The following MPHOSPH9 variants were observed in gnomAD, a reference collection of about 807,000 sequenced individuals.
MPHOSPH9 encodes M-phase phosphoprotein 9.
MPHOSPH9 carries 88 observed loss-of-function variants against 145.5 expected under a neutral mutation model. That is an observed-to-expected ratio of 0.60 (90% CI 0.51 to 0.72). The LOEUF is 0.72. Ranked by LOEUF, MPHOSPH9 falls within the 30% of genes least tolerant of loss-of-function variation. The pLI is 0.00. For synonymous variants in MPHOSPH9, 435 were observed against 486.2 expected (o/e 0.89, Z 1.39); for missense variants, 1,238 against 1,386.6 (o/e 0.89, Z 1.70).
At position 123,202,819 on chromosome 12, in the gene MPHOSPH9, T is replaced by C. The variant is rs141939407; in HGVS notation, c.1586A>G (p.Glu529Gly). ...DSWKNQTFQNESRTSSTFPSV... is the reference protein window; with the variant it reads ...DSWKNQTFQNGSRTSSTFPSV... Reference sequence around the variant, plus strand: ...CGGAAACGTGGAACTGGTCCTACTTTCGTTTTGGAATGTCTGATTTTTCCA... The same window carrying C: ...CGGAAACGTGGAACTGGTCCTACTTCCGTTTTGGAATGTCTGATTTTTCCA... The change falls in exon 10 of 24, where the codon GAA (glutamate) becomes GGA (glycine). Residue 529 changes from glutamate to glycine, a missense_variant. Transcript: ENST00000606320. The C allele has an allele frequency of 7.4e-6, 12 of 1,614,106 alleles. No individual in the cohort carries two copies. In the Admixed American group the frequency reaches 8.3e-5, roughly 11 times the overall value.
At chr12:123,176,204 G>A (rs1425953279) in intron 16 of MPHOSPH9, among the ~76,000 whole-genome samples, 1 of 151,804 alleles carries the variant, frequency 6.6e-6, no homozygotes, top group African/African-American at 2.4e-5. Context: ...ATTCTGTAAG[G>A]GTATCACCAA....
chr12:123,215,240 T>C (rs1336629593), intron 6 of MPHOSPH9, among the ~76,000 whole-genome samples: 2 of 150,714 alleles, frequency 1.3e-5, no homozygotes, highest in East Asian at 3.9e-4. Context: ...AGACTCTGTC[T>C]CAAAAAAAAA....
rs187964068 is a variant in MPHOSPH9, at chr12:123,209,411, T to C, written c.1194+645A>G. On this transcript the variant is annotated intron_variant, in intron 8 of 23. Coordinates refer to ENST00000606320, the MANE Select transcript of MPHOSPH9 (RefSeq NM_022782.4). ...ATTGTAAAACACAAACACACACAGT[T>C]TTTTTTTTCTTTGAGATGGAGTTGC... is the stretch of plus-strand genomic sequence containing the variant. Among the ~76,000 whole-genome samples, 244 of 151,692 alleles carry C rather than the reference T, an allele frequency of 1.6e-3. 2 individuals are homozygous for C. Among genetic ancestry groups the C allele is most frequent in the African/African-American group, 5.5e-3 (229 of 41,350 alleles).
chr12:123,208,028 G>C (rs2046518337), intron 8 of MPHOSPH9, among the ~76,000 whole-genome samples: 1 of 151,424 alleles, frequency 6.6e-6, no homozygotes, highest in Non-Finnish European at 1.5e-5. Flanking sequence ...CACCAGCCTG[G>C]CCAACATCAC....
chr12:123,168,045 G>A (rs986630947), intron 16 of MPHOSPH9, among the ~76,000 whole-genome samples: 4 of 152,106 alleles, frequency 2.6e-5, no homozygotes, highest in African/African-American at 9.7e-5. Context: ...CCGCCCTCAA[G>A]CTTCAGCAAC....
At chr12:123,165,936 C>T (rs2044299535) in intron 17 of MPHOSPH9, among the ~76,000 whole-genome samples, 1 of 152,202 alleles carries the variant, frequency 6.6e-6, no homozygotes, top group African/African-American at 2.4e-5. Context: ...CCACAATGAG[C>T]ATGCTTTGCA....
chr12:123,188,001 C>T (rs1398350439), intron 13 of MPHOSPH9, among the ~76,000 whole-genome samples: 1 of 152,060 alleles, frequency 6.6e-6, no homozygotes, highest in Non-Finnish European at 1.5e-5. Context: ...GTGGTGGGTG[C>T]CTGTAATCCC....
chr12:123,161,082 G>C, intron 22 of MPHOSPH9, 54 bp downstream of exon 22: 1 of 1,585,746 alleles, frequency 6.3e-7, no homozygotes, highest in Non-Finnish European at 8.6e-7. Flanking sequence ...CTTCTCCTTA[G>C]ACATAAGCAT....
chr12:123,171,263 G>A (rs1438038585), intron 16 of MPHOSPH9, among the ~76,000 whole-genome samples: 1 of 151,724 alleles, frequency 6.6e-6, no homozygotes, highest in Non-Finnish European at 1.5e-5. Flanking sequence ...AGACCAGCCT[G>A]GCCAACAAGG....
At position 123,204,236 on chromosome 12, in the gene MPHOSPH9, A is replaced by T. The variant is rs145936601; in HGVS notation, c.1195-861T>A. On this transcript the variant is annotated intron_variant, in intron 8 of 23. Transcript: ENST00000606320. ...AGAATCGCTTGAACCTGGAAGGCGG[A>T]GGTTGTGGTGAGCCGAGATTGCGCC... Among the ~76,000 whole-genome samples, 162 of 151,014 alleles carry T rather than the reference A, an allele frequency of 1.1e-3. 3 individuals are homozygous for T. The East Asian group carries it at 0.031, about 29-fold the overall frequency.
upstream of MPHOSPH9, among the ~76,000 whole-genome samples, chr12:123,236,625 G>GT (rs2047855044): frequency 6.6e-6 from 1 of 152,004 alleles, no homozygotes; most frequent in Non-Finnish European, 1.5e-5. Flanking sequence ...AACTGCTTTG[G>GT]TTTGTATATG....
intron 5 of MPHOSPH9, among the ~76,000 whole-genome samples, chr12:123,219,552 C>CA (rs778997410): frequency 0.048 from 2,353 of 49,032 alleles, 83 homozygotes; most frequent in African/African-American, 0.13. Flanking sequence ...GACTCTGTCT[C>CA]AAAAAAAAAA....
intron 1 of MPHOSPH9, among the ~76,000 whole-genome samples, chr12:123,242,075 A>T (rs1319868545): frequency 6.6e-6 from 1 of 152,178 alleles, no homozygotes; most frequent in African/African-American, 2.4e-5. Flanking sequence ...CCCATGCCTG[A>T]TACTCAATAG....
intron 7 of MPHOSPH9, among the ~76,000 whole-genome samples, chr12:123,212,744 ATCCCCAGCCT>A: frequency 7.3e-6 from 1 of 136,676 alleles, no homozygotes. Context: ...ACAGAGTACA[ATCCCCAGCCT>A]ACAATGGTCG....
At chr12:123,177,713 A>G (rs2044943532) in intron 15 of MPHOSPH9, among the ~76,000 whole-genome samples, 1 of 152,216 alleles carries the variant, frequency 6.6e-6, no homozygotes, top group Non-Finnish European at 1.5e-5. Context: ...ACATTTATAA[A>G]TAAACATAAA....
At chr12:123,206,907 C>T (rs939330392) in intron 8 of MPHOSPH9, among the ~76,000 whole-genome samples, 8 of 145,024 alleles carry the variant, frequency 5.5e-5, no homozygotes, top group Non-Finnish European at 1.1e-4. Context: ...AGCAAGACTC[C>T]GTCTCAAAAA....
intron 18 of MPHOSPH9, among the ~76,000 whole-genome samples, chr12:123,164,560 C>G (rs1043683785): frequency 1.3e-5 from 2 of 152,200 alleles, no homozygotes; most frequent in Non-Finnish European, 1.5e-5. Context: ...CTTGCCTTAT[C>G]TACAGATGCT....
chr12:123,225,764 G>T (rs937997500), intron 3 of MPHOSPH9, among the ~76,000 whole-genome samples: 2 of 152,068 alleles, frequency 1.3e-5, no homozygotes, highest in African/African-American at 4.8e-5. Flanking sequence ...GGCTAGCCAC[G>T]GTGGCTCATG....
At chr12:123,172,571 G>A (rs1413224218) in intron 16 of MPHOSPH9, among the ~76,000 whole-genome samples, 1 of 152,182 alleles carries the variant, frequency 6.6e-6, no homozygotes, top group African/African-American at 2.4e-5. Flanking sequence ...GACCTCAGGT[G>A]ATCCACCTGC....
Sources: allele counts gnomAD v4.1 joint callset (sites outside exome capture counted in the v4.1 genomes callset), GRCh38; gene constraint gnomAD v4.1.1; transcripts MANE v1.5; gene names NCBI Gene and HGNC (gene_info 2026-07-23, HGNC 2026-07-21).